Variants in PDSS2 observed in about 807,000 individuals in gnomAD.
PDSS2 encodes the protein decaprenyl diphosphate synthase subunit 2, also known as all trans-polyprenyl-diphosphate synthase PDSS2.
PDSS2 carries 31 observed loss-of-function variants against 44.5 expected under a neutral mutation model. The observed-to-expected ratio is 0.70, with a 90% CI of 0.52 to 0.94. The LOEUF is 0.94. Among genes scored for constraint, PDSS2 ranks in the 40% least tolerant of loss-of-function variants. The pLI, the probability that PDSS2 is intolerant of heterozygous loss-of-function variation, is 0.00. For missense variants in PDSS2, 452 were observed against 482.2 expected (o/e 0.94, Z 0.59); for synonymous variants, 157 against 180.3 (o/e 0.87, Z 1.03).
chr6:107,257,500 G>GCA (rs1775062882), intron 3 of PDSS2, among the ~76,000 whole-genome samples: 1 of 149,712 alleles, frequency 6.7e-6, no homozygotes, highest in Admixed American at 6.7e-5. Context: ...TAGCCCCACT[G>GCA]CACTCCAGCC....
chr6:107,367,418 C>T (rs1170907656), intron 1 of PDSS2, among the ~76,000 whole-genome samples: 2 of 152,136 alleles, frequency 1.3e-5, no homozygotes, highest in East Asian at 3.9e-4. Flanking sequence ...GAATGCCTCC[C>T]ACTTAGGACT....
chr6:107,189,906 TAAAG>T (rs546847597), intron 7 of PDSS2, among the ~76,000 whole-genome samples: 192 of 151,466 alleles, frequency 1.3e-3, no homozygotes, highest in Non-Finnish European at 2.3e-3. Flanking sequence ...ATTAAATAAA[TAAAG>T]AAAGAAAGAA....
Position 107,370,615 on chromosome 6 carries a change from T to A in PDSS2, c.297-36283A>T, listed in dbSNP as rs1196660917. Among the ~76,000 whole-genome samples the A allele has an allele frequency of 2.6e-5, 4 of 152,342 alleles. No homozygotes were observed. The East Asian group carries it at 7.7e-4, about 29-fold the overall frequency. On this transcript the variant is annotated intron_variant, in intron 1 of 7. Coordinates refer to ENST00000369037, the MANE Select transcript of PDSS2 (RefSeq NM_020381.4). ...AGATAAGGAAGTGCATATTAAAGAA[T>A]AATGAAATTTTAATTTCTCCCTCTC...
chr6:107,336,251 G>A (rs527507404), intron 1 of PDSS2, among the ~76,000 whole-genome samples: 6 of 135,342 alleles, frequency 4.4e-5, no homozygotes, highest in African/African-American at 1.1e-4. Context: ...GCGAGATTCC[G>A]TCTCAGAAAA....
At chr6:107,277,676 G>A (rs182175953) in intron 2 of PDSS2, among the ~76,000 whole-genome samples, 39 of 152,326 alleles carry the variant, frequency 2.6e-4, no homozygotes, top group African/African-American at 9.4e-4. Flanking sequence ...AATCAGGCCA[G>A]GCGCGGTGGC....
chr6:107,458,081 G>A (rs1428315226), intron 1 of PDSS2, among the ~76,000 whole-genome samples: 2 of 152,030 alleles, frequency 1.3e-5, no homozygotes, highest in African/African-American at 4.8e-5. Flanking sequence ...GTAGCAGGTG[G>A]ATCTGATTAA....
intron 2 of PDSS2, among the ~76,000 whole-genome samples, chr6:107,333,912 A>G (rs1384181137): frequency 6.6e-6 from 1 of 152,184 alleles, no homozygotes; most frequent in Non-Finnish European, 1.5e-5. Context: ...ACAGAGACAC[A>G]ACAATACATA....
At chr6:107,369,503 A>G (rs1024068114) in intron 1 of PDSS2, among the ~76,000 whole-genome samples, 7 of 151,400 alleles carry the variant, frequency 4.6e-5, no homozygotes, top group African/African-American at 1.7e-4. Context: ...ATTAACTTAA[A>G]TCAATCATAG....
chr6:107,302,460 G>C (rs1776727113), intron 2 of PDSS2, among the ~76,000 whole-genome samples: 1 of 151,844 alleles, frequency 6.6e-6, no homozygotes, highest in African/African-American at 2.4e-5. Context: ...TAGAGATGAG[G>C]TCTCACTATG....
At chr6:107,310,728 A>G (rs1379697737) in intron 2 of PDSS2, among the ~76,000 whole-genome samples, 1 of 152,174 alleles carries the variant, frequency 6.6e-6, no homozygotes, top group Non-Finnish European at 1.5e-5. Flanking sequence ...TCATATCTGC[A>G]GGACTGTCAG....
At chr6:107,213,200 A>G (rs917056478) in intron 4 of PDSS2, among the ~76,000 whole-genome samples, 4 of 151,924 alleles carry the variant, frequency 2.6e-5, no homozygotes, top group Admixed American at 2.0e-4. Context: ...TTGTAGATAC[A>G]GAGTTTCTCC....
At chr6:107,379,208 A>G (rs1053014623) in intron 1 of PDSS2, among the ~76,000 whole-genome samples, 2 of 152,190 alleles carry the variant, frequency 1.3e-5, no homozygotes, top group African/African-American at 4.8e-5. Context: ...TATTTATAGT[A>G]TGCTTTGAGT....
At chr6:107,357,736 A>G (rs1209063187) in intron 1 of PDSS2, among the ~76,000 whole-genome samples, 1 of 152,076 alleles carries the variant, frequency 6.6e-6, no homozygotes. Context: ...TTCTCTGGCA[A>G]TTTTTTACTG....
intron 1 of PDSS2, among the ~76,000 whole-genome samples, chr6:107,379,604 A>G (rs1779394804): frequency 2.0e-5 from 3 of 152,228 alleles, no homozygotes; most frequent in East Asian, 1.9e-4. Context: ...TTAAATACAC[A>G]TAACTTGTTA....
chr6:107,204,562 T>C (rs1489385242), intron 6 of PDSS2, among the ~76,000 whole-genome samples: 2 of 152,186 alleles, frequency 1.3e-5, no homozygotes, highest in African/African-American at 4.8e-5. Context: ...TTTGACAACA[T>C]TGCATGCCTG....
intron 4 of PDSS2, among the ~76,000 whole-genome samples, chr6:107,224,573 C>A (rs979293021): frequency 6.6e-6 from 1 of 151,408 alleles, no homozygotes; most frequent in Non-Finnish European, 1.5e-5. Flanking sequence ...TGATGCCTGA[C>A]TACCTCTGCA....
At chr6:107,373,667 T>C (rs1345076141) in intron 1 of PDSS2, among the ~76,000 whole-genome samples, 1 of 152,192 alleles carries the variant, frequency 6.6e-6, no homozygotes, top group Non-Finnish European at 1.5e-5. Flanking sequence ...TCTTCTCCCT[T>C]AAGCCACCTG....
intron 2 of PDSS2, among the ~76,000 whole-genome samples, chr6:107,314,715 C>T (rs1252127420): frequency 6.6e-6 from 1 of 152,174 alleles, no homozygotes; most frequent in African/African-American, 2.4e-5. Flanking sequence ...AATTAGTACG[C>T]AAGGTTAAAA....
intron 7 of PDSS2, among the ~76,000 whole-genome samples, chr6:107,184,581 G>A (rs1396899605): frequency 6.6e-6 from 1 of 152,220 alleles, no homozygotes; most frequent in Non-Finnish European, 1.5e-5. Context: ...GAATTTTAAT[G>A]TGTGCTCTAT....
Sources: allele counts gnomAD v4.1 joint callset (sites outside exome capture counted in the v4.1 genomes callset), GRCh38; gene constraint gnomAD v4.1.1; transcripts MANE v1.5; gene names NCBI Gene and HGNC (gene_info 2026-07-23, HGNC 2026-07-21).